COL5A1: variants seen among roughly 807,000 people sequenced by gnomAD.
The protein encoded by COL5A1 is collagen alpha-1(V) chain.
In COL5A1, 16 loss-of-function variants were observed where a neutral mutation model predicts 263.7. That is an observed-to-expected ratio of 0.06 (90% confidence interval 0.04 to 0.09). The LOEUF (loss-of-function observed/expected upper bound fraction) is 0.09, where lower values mean the gene tolerates loss of function less well. Ranked by LOEUF, COL5A1 falls within the 10% of genes least tolerant of loss-of-function variation. The probability of loss-of-function intolerance (pLI) is 1.00; values close to 1 mark genes in which losing one functional copy is unlikely to be tolerated. For synonymous variants in COL5A1, 1,012 were observed against 1,004.5 expected (o/e 1.01, Z -0.14); for missense variants, 2,036 against 2,540.5 (o/e 0.80, Z 4.27).
intron 4 of COL5A1, among the ~76,000 whole-genome samples, chr9:134,726,136 C>T (rs934730396): frequency 2.0e-5 from 3 of 152,290 alleles, no homozygotes; most frequent in Middle Eastern, 3.4e-3. Flanking sequence ...TCCAAGCCCT[C>T]GGGGTCTAGG....
Position 134,642,316 on chromosome 9 carries a change from C to CGGGGCTG in COL5A1, c.109+21_109+27dup. 1.3e-6 allele frequency: 1 copy of CGGGGCTG among 791,934 alleles called. No homozygotes were observed. The highest frequency in any genetic ancestry group is 4.9e-4 in the Middle Eastern group (1 of 2,060). The allele number at this position is 791,934 out of a possible 1,614,324, so 49.1% of individuals were successfully genotyped here. On this transcript the variant is annotated intron_variant, in intron 1 of 65. Coordinates refer to ENST00000371817, the MANE Select transcript of COL5A1 (RefSeq NM_000093.5). This position sits in a 1 kb window ranked among gnomAD's most constrained non-coding sequence, Gnocchi z 4.5. ...GCGCAGGTAAGGGCGCCCCGGGGCG[C>CGGGGCTG]GGGGCTGCGGGATGGGGCGCGCGCA...
Position 134,825,917 on chromosome 9 carries a change from G to A in COL5A1, c.5067+13G>A. 1 of 1,576,778 alleles carries A rather than the reference G, an allele frequency of 6.3e-7. No homozygotes were observed. Among genetic ancestry groups the A allele is most frequent in the South Asian group, 1.1e-5 (1 of 90,158 alleles). Reference sequence around the variant, plus strand: ...GAAGTCCGAAGGGGTGAGTAGCTGTGTCCCTCCATGGCCCCAGCGGGGCAG... The same window carrying A: ...GAAGTCCGAAGGGGTGAGTAGCTGTATCCCTCCATGGCCCCAGCGGGGCAG... On this transcript the variant is annotated intron_variant, in intron 63 of 65. Transcript: ENST00000371817.
intron 23 of COL5A1, 117 bp downstream of exon 23, chr9:134,767,170 C>G (rs764539763): frequency 2.1e-6 from 3 of 1,422,162 alleles, no homozygotes; most frequent in East Asian, 4.6e-5. Flanking sequence ...GCAGCCCCTC[C>G]CCTTATCTGG....
At chr9:134,824,329 C>T (rs908870042) in intron 61 of COL5A1, among the ~76,000 whole-genome samples, 1 of 152,190 alleles carries the variant, frequency 6.6e-6, no homozygotes, top group African/African-American at 2.4e-5. Flanking sequence ...GATGCAAGCC[C>T]AAGGCTGCAA....
intron 25 of COL5A1, among the ~76,000 whole-genome samples, chr9:134,769,894 G>A (rs564560245): frequency 2.2e-4 from 34 of 152,256 alleles, no homozygotes; most frequent in South Asian, 1.7e-3. Context: ...TCATTCTCTC[G>A]GCCCTCAGCT....
intron 61 of COL5A1, 47 bp from the exon 62 acceptor site, chr9:134,824,553 C>G (rs1839172105): frequency 6.2e-7 from 1 of 1,610,428 alleles, no homozygotes; most frequent in Non-Finnish European, 8.5e-7. Flanking sequence ...ATCCTGGGAC[C>G]CTTCCCATCC....
chr9:134,794,800 A>G lies in COL5A1; in HGVS notation c.2701-282A>G, dbSNP rs1837836204. 6.6e-6 allele frequency among the ~76,000 whole-genome samples: 1 copy of G among 152,222 alleles called. No homozygotes were observed. Among genetic ancestry groups the G allele is most frequent in the Non-Finnish European group, 1.5e-5 (1 of 68,044 alleles). ...AGGGATGTAGCGGTGCTCTGAGGAA[A>G]GAAACCAGATAATAGTATAAACATC... On this transcript the variant is annotated intron_variant, in intron 32 of 65. Coordinates refer to ENST00000371817, the MANE Select transcript of COL5A1 (RefSeq NM_000093.5). The surrounding 1 kb of genome is among the most constrained non-coding windows in gnomAD (Gnocchi z 4.3).
chr9:134,827,200 G>A (rs1345472109), intron 63 of COL5A1, among the ~76,000 whole-genome samples: 1 of 152,214 alleles, frequency 6.6e-6, no homozygotes, highest in Non-Finnish European at 1.5e-5. Flanking sequence ...TTCCTGCCAG[G>A]GGAAGAGCAG....
intron 37 of COL5A1, among the ~76,000 whole-genome samples, chr9:134,799,179 C>G (rs1319054422): frequency 6.6e-6 from 1 of 152,214 alleles, no homozygotes; most frequent in Non-Finnish European, 1.5e-5. Context: ...TTCATCCAGA[C>G]CAGAAAGGAC....
Position 134,754,543 on chromosome 9 carries a change from C to T in COL5A1, c.1827+217C>T, listed in dbSNP as rs977739318. Among the ~76,000 whole-genome samples the T allele has an allele frequency of 2.0e-5, 3 of 152,270 alleles. No homozygotes were observed. The highest frequency in any genetic ancestry group is 7.2e-5 in the African/African-American group (3 of 41,474). Reference sequence around the variant, plus strand: ...GGCGCAGACACAGCGGACCAGGCCTCTTCCCTGGGCACATTCATTTAGTTT... The same window carrying T: ...GGCGCAGACACAGCGGACCAGGCCTTTTCCCTGGGCACATTCATTTAGTTT... On this transcript the variant is annotated intron_variant, in intron 16 of 65. Transcript: ENST00000371817. The surrounding 1 kb of genome is among the most constrained non-coding windows in gnomAD (Gnocchi z 4.3).
chr9:134,749,261 C>A (rs770427600), intron 11 of COL5A1, among the ~76,000 whole-genome samples: 2 of 152,144 alleles, frequency 1.3e-5, no homozygotes, highest in East Asian at 3.9e-4. Context: ...AACAAAACTC[C>A]GAAGCCACAC....
chr9:134,728,653 C>T lies in COL5A1; in HGVS notation c.787-17C>T. On this transcript the variant is annotated splice_polypyrimidine_tract_variant and intron_variant, in intron 5 of 65. Transcript: ENST00000371817. ...CGGGCTCCGCTGCTTCCTCACGGGG[C>T]CGCAATTCGCTTTCAGTACACGGAA... 1 of 1,613,826 alleles carries T rather than the reference C, an allele frequency of 6.2e-7. No homozygotes were observed. The highest frequency in any genetic ancestry group is 2.2e-5 in the East Asian group (1 of 44,872).
rs752596936 is a variant in COL5A1 at position 134,765,667 on chromosome 9, C to T, written c.2035-14C>T. On this transcript the variant is annotated splice_polypyrimidine_tract_variant and intron_variant, in intron 20 of 65. Coordinates refer to ENST00000371817, the MANE Select transcript of COL5A1 (RefSeq NM_000093.5). The surrounding 1 kb of genome is among the most constrained non-coding windows in gnomAD (Gnocchi z 5.1). The stretch of plus-strand genomic sequence containing the variant: ...TGCCCGAGTTTAAATCCTATTTTCC[C>T]TTTCCTCTTACAGGGGCCACGTGGT... 2 of 1,612,794 alleles carry T rather than the reference C, an allele frequency of 1.2e-6. No homozygotes were observed. The highest frequency in any genetic ancestry group is 1.3e-5 in the African/African-American group (1 of 74,906).
chr9:134,648,317 A>G (rs1831546118), intron 1 of COL5A1, among the ~76,000 whole-genome samples: 1 of 148,358 alleles, frequency 6.7e-6, no homozygotes, highest in African/African-American at 2.5e-5. Context: ...ATATATATAT[A>G]TATTTCTATT....
In COL5A1 at chr9:134,738,485, C is replaced by T. The variant is rs1452745305; in HGVS notation, c.1401C>T (p.Ile467=). 12 of 1,613,890 alleles carry T rather than the reference C, an allele frequency of 7.4e-6. No individual in the cohort carries two copies. In the Admixed American group the frequency reaches 1.3e-4, roughly 18 times the overall value. ...EPAIIEPGML[I]EGPPGPEGPA... is the part of the protein sequence containing the mutation. ...CTCTGTCTCCCCAGGGCATGCTCAT[C>T]GAGGGCCCGCCTGGCCCAGAAGGCC... is the stretch of plus-strand genomic sequence containing the variant. Residue 467 remains isoleucine, a synonymous_variant, in exon 10 of 66, where the codon ATC becomes ATT. Transcript: ENST00000371817.
chr9:134,641,882 G>A lies in COL5A1; in HGVS notation c.-306G>A, dbSNP rs1831298800. 3 of 390,070 alleles carry A rather than the reference G, an allele frequency of 7.7e-6. No individual in the cohort carries two copies. The highest frequency in any genetic ancestry group is 1.4e-5 in the Non-Finnish European group (3 of 220,864). The allele number at this position is 390,070 out of a possible 1,614,324, so 24.2% of individuals were successfully genotyped here. A position where few individuals can be genotyped will look rare whatever the true frequency, so the allele number is the denominator to read the frequency against. ...CACGGGGAGCGGGTCGCGGGGCGGC[G>A]GCGGCGAGGAGGAGGCGAGAAGGAG... On this transcript the variant is annotated 5_prime_UTR_variant, in exon 1 of 66. Transcript: ENST00000371817.
chr9:134,802,106 G>A, intron 38 of COL5A1, 99 bp downstream of exon 38: 1 of 1,214,264 alleles, frequency 8.2e-7, no homozygotes, highest in Non-Finnish European at 1.2e-6. Flanking sequence ...CACGATTCCG[G>A]AGGTGCAGGT....
At chr9:134,775,156 G>A (rs557211988) in intron 27 of COL5A1, among the ~76,000 whole-genome samples, 1 of 152,352 alleles carries the variant, frequency 6.6e-6, no homozygotes, top group African/African-American at 2.4e-5. Flanking sequence ...TCTGCAGTCT[G>A]GTGACGACGC....
In COL5A1 at chr9:134,750,538, T is replaced by A; in HGVS notation, c.1495-4T>A. On this transcript the variant is annotated splice_region_variant and splice_polypyrimidine_tract_variant and intron_variant, in intron 11 of 65. Coordinates refer to ENST00000371817, the MANE Select transcript of COL5A1 (RefSeq NM_000093.5). The stretch of plus-strand genomic sequence containing the variant: ...ACTTGTCTCTCTTGGCCCCTTGTCT[T>A]CAGGGCCCCCCTGGACGCCCAGGCC... 1 of 1,613,620 alleles carries A rather than the reference T, an allele frequency of 6.2e-7. No individual in the cohort carries two copies. The highest frequency in any genetic ancestry group is 8.5e-7 in the Non-Finnish European group (1 of 1,179,916).
Sources: allele counts gnomAD v4.1 joint callset (sites outside exome capture counted in the v4.1 genomes callset), GRCh38; gene constraint gnomAD v4.1.1; non-coding constraint Gnocchi (gnomAD v3.1); transcripts MANE v1.5; gene names NCBI Gene and HGNC (gene_info 2026-07-23, HGNC 2026-07-21).